Variants in DNAJC7 observed in about 807,000 individuals in gnomAD.
DNAJC7 encodes dnaJ homolog subfamily C member 7.
DNAJC7 carries 18 observed loss-of-function variants against 67.4 expected under a neutral mutation model. That is an observed-to-expected ratio of 0.27 (90% CI 0.18 to 0.40). The LOEUF (loss-of-function observed/expected upper bound fraction) is 0.40, where lower values mean the gene tolerates loss of function less well. Ranked by LOEUF, DNAJC7 falls within the 10% of genes least tolerant of loss-of-function variation. The pLI, the probability that DNAJC7 is intolerant of heterozygous loss-of-function variation, is 1.00. For synonymous variants in DNAJC7, 220 were observed against 207.8 expected (o/e 1.06, Z -0.50); for missense variants, 419 against 613.8 (o/e 0.68, Z 3.35).
Position 41,986,722 on chromosome 17 carries a change from A to G in DNAJC7, c.1010+1097T>C, listed in dbSNP as rs1338481431. ...ACTGACAGTCAGTCTCACAGAAGTT[A>G]TAATTCCCTGTATGTTTCTGTTGGA... On this transcript the variant is annotated intron_variant, in intron 9 of 13. Coordinates refer to ENST00000457167, the MANE Select transcript of DNAJC7 (RefSeq NM_003315.4). Among the ~76,000 whole-genome samples, 3 of 152,310 alleles carry G rather than the reference A, an allele frequency of 2.0e-5. No homozygotes were observed. In the East Asian group the frequency reaches 5.8e-4, roughly 29 times the overall value.
intron 1 of DNAJC7, among the ~76,000 whole-genome samples, chr17:42,012,173 T>TA (rs1443086072): frequency 6.6e-6 from 1 of 152,256 alleles, no homozygotes; most frequent in Non-Finnish European, 1.5e-5. Context: ...CTGAGACACG[T>TA]AAGTGTTTTC....
Position 42,017,382 on chromosome 17 carries a change from G to T in DNAJC7, c.35C>A (p.Ala12Glu). 3 of 1,610,118 alleles carry T rather than the reference G, an allele frequency of 1.9e-6. No individual in the cohort carries two copies. The highest frequency in any genetic ancestry group is 1.3e-5 in the African/African-American group (1 of 75,060). Residue 12 changes from alanine to glutamate, a missense_variant, in exon 1 of 14, where the codon GCG (alanine) becomes GAG (glutamate). Ala to Glu is a moderately radical substitution (Grantham distance 107, BLOSUM62 -1). Coordinates refer to ENST00000457167, the MANE Select transcript of DNAJC7 (RefSeq NM_003315.4). ...AAAAECDVVM[A>E]ATEPELLDDQ... ...GTCGAGCAGCTCCGGCTCGGTCGCC[G>T]CCATTACCACATCGCACTCCGCGGC...
intron 9 of DNAJC7, among the ~76,000 whole-genome samples, chr17:41,983,838 C>T (rs1319495255): frequency 6.6e-6 from 1 of 152,340 alleles, no homozygotes; most frequent in Non-Finnish European, 1.5e-5. Context: ...TCGCATGGCA[C>T]TTGCATCCAA....
At chr17:42,006,302 C>A (rs2051952444) in intron 1 of DNAJC7, among the ~76,000 whole-genome samples, 1 of 151,730 alleles carries the variant, frequency 6.6e-6, no homozygotes, top group Non-Finnish European at 1.5e-5. Context: ...TACAGGCACA[C>A]GCCACCACGC....
intron 6 of DNAJC7, among the ~76,000 whole-genome samples, chr17:41,989,884 G>A (rs955022136): frequency 6.6e-6 from 1 of 152,132 alleles, no homozygotes; most frequent in African/African-American, 2.4e-5. Context: ...CTATTATCTA[G>A]GGCAACCTTT....
chr17:41,991,620 G>A (rs535411763), intron 5 of DNAJC7, among the ~76,000 whole-genome samples: 109 of 152,262 alleles, frequency 7.2e-4, no homozygotes, highest in African/African-American at 2.5e-3. Context: ...AGAACTGGGC[G>A]GAGAGAGGAC....
intron 1 of DNAJC7, among the ~76,000 whole-genome samples, chr17:42,005,819 C>T (rs2051934720): frequency 6.6e-6 from 1 of 152,146 alleles, no homozygotes; most frequent in Non-Finnish European, 1.5e-5. Context: ...TGGCTCACTG[C>T]AATCCCCACC....
At chr17:41,976,815 A>C in intron 13 of DNAJC7, 45 bp from the exon 14 acceptor site, 1 of 1,597,530 alleles carries the variant, frequency 6.3e-7, no homozygotes, top group Non-Finnish European at 8.5e-7. Flanking sequence ...GGATTTTCTA[A>C]GGAAGATCAC....
chr17:42,000,405 C>T (rs2051777332), intron 2 of DNAJC7, 77 bp downstream of exon 2: 1 of 1,044,758 alleles, frequency 9.6e-7, no homozygotes, highest in Non-Finnish European at 1.3e-6. Context: ...AGGCGTGAGC[C>T]ACCAGGACTT....
At position 41,997,052 on chromosome 17, in the gene DNAJC7, G is replaced by A. The variant is rs530514556; in HGVS notation, c.291+63C>T. 9.5e-5 allele frequency: 153 copies of A among 1,606,496 alleles called. No individual in the cohort carries two copies. The South Asian group carries it at 1.3e-3, about 14-fold the overall frequency. ...CAGTAGTGTCAAGGTTGAGAAATAC[G>A]GGGCTAGAGAAACTCAACTGTAGCA... On this transcript the variant is annotated intron_variant, in intron 3 of 13. Transcript: ENST00000457167.
At chr17:41,987,014 A>G (rs2051400940) in intron 9 of DNAJC7, among the ~76,000 whole-genome samples, 2 of 152,190 alleles carry the variant, frequency 1.3e-5, no homozygotes, top group Admixed American at 1.3e-4. Context: ...CTTCTCTAAG[A>G]ACTTTAAAGA....
chr17:41,987,110 C>A (rs1555646994), intron 9 of DNAJC7, among the ~76,000 whole-genome samples: 1 of 152,140 alleles, frequency 6.6e-6, no homozygotes, highest in Non-Finnish European at 1.5e-5. Context: ...CTGTTCCTAT[C>A]TGGAGAAAAC....
intron 1 of DNAJC7, among the ~76,000 whole-genome samples, chr17:42,012,428 A>G (rs1598155526): frequency 6.6e-6 from 1 of 152,232 alleles, no homozygotes; most frequent in East Asian, 1.9e-4. Flanking sequence ...GTTTGCAGTG[A>G]GCTGAGATCA....
rs959476108 is a variant in DNAJC7, at chr17:42,005,931, A to C, written c.78-5361T>G. ...AATTTTTTTTTGAGAAAAGAGCTTT[A>C]TTTATTTATTTATTTAATTTTTTTT... On this transcript the variant is annotated intron_variant, in intron 1 of 13. Coordinates refer to ENST00000457167, the MANE Select transcript of DNAJC7 (RefSeq NM_003315.4). Among the ~76,000 whole-genome samples, 3 of 143,460 alleles carry C rather than the reference A, an allele frequency of 2.1e-5. No individual in the cohort carries two copies. The South Asian group carries it at 6.6e-4, about 32-fold the overall frequency. 94.1% of individuals were successfully genotyped at this position (143,460 alleles called of 152,430 possible). A position where few individuals can be genotyped will look rare whatever the true frequency, so the allele number is the denominator to read the frequency against.
chr17:41,990,421 G>C, intron 5 of DNAJC7, 39 bp from the exon 6 acceptor site: 1 of 1,522,510 alleles, frequency 6.6e-7, no homozygotes. Context: ...TCTTCATCAG[G>C]GACTCCAGAA....
At position 41,979,352 on chromosome 17, in the gene DNAJC7, C is replaced by CAA. The variant is rs200056843; in HGVS notation, c.1385-2031_1385-2030dup. 2.0e-5 allele frequency among the ~76,000 whole-genome samples: 3 copies of CAA among 148,336 alleles called. No homozygotes were observed. The East Asian group carries it at 6.0e-4, about 30-fold the overall frequency. On this transcript the variant is annotated intron_variant, in intron 12 of 13. Coordinates refer to ENST00000457167, the MANE Select transcript of DNAJC7 (RefSeq NM_003315.4). ...AGACCATGTCTCAAAAACATAACAA[C>CAA]AAAAAAAAATTAAATAAATAAATAA... is the stretch of plus-strand genomic sequence containing the variant.
intron 9 of DNAJC7, chr17:41,984,749 G>A (rs2051334744): frequency 6.6e-6 from 1 of 152,198 alleles, no homozygotes; most frequent in Non-Finnish European, 1.5e-5. Flanking sequence ...GCTGGGGAAT[G>A]GGAAGTGATC....
At chr17:42,009,315 G>C (rs190492681) in intron 1 of DNAJC7, among the ~76,000 whole-genome samples, 1 of 152,198 alleles carries the variant, frequency 6.6e-6, no homozygotes, top group Non-Finnish European at 1.5e-5. Flanking sequence ...CACGGGCAGA[G>C]TCAGAAGGGA....
At chr17:41,999,092 T>G (rs548096481) in intron 2 of DNAJC7, among the ~76,000 whole-genome samples, 18 of 152,178 alleles carry the variant, frequency 1.2e-4, no homozygotes, top group African/African-American at 4.3e-4. Flanking sequence ...GAGTTTGTTT[T>G]TTTTTTTGAG....
Sources: allele counts gnomAD v4.1 joint callset (sites outside exome capture counted in the v4.1 genomes callset), GRCh38; gene constraint gnomAD v4.1.1; transcripts MANE v1.5; gene names NCBI Gene and HGNC (gene_info 2026-07-23, HGNC 2026-07-21).